The following TNRC6B variants were observed in gnomAD, a reference collection of about 807,000 sequenced individuals.
TNRC6B encodes trinucleotide repeat containing adaptor 6B.
In TNRC6B, 52 loss-of-function variants were observed where a neutral mutation model predicts 203.6. The observed-to-expected ratio is 0.26, with a 90% CI of 0.20 to 0.32. The LOEUF (loss-of-function observed/expected upper bound fraction) is 0.32. Ranked by LOEUF, TNRC6B falls within the 10% of genes least tolerant of loss-of-function variation. The pLI is 1.00. For synonymous variants in TNRC6B, 838 were observed against 845.7 expected (o/e 0.99, Z 0.16); for missense variants, 1,923 against 2,286.2 (o/e 0.84, Z 3.24).
chr22:40,254,560 T>G (rs938876157), intron 3 of TNRC6B, among the ~76,000 whole-genome samples: 1 of 152,132 alleles, frequency 6.6e-6, no homozygotes, highest in African/African-American at 2.4e-5. Context: ...ATGGCTGGCT[T>G]TAATGAGAGT....
chr22:40,109,143 A>G (rs1601819902), intron 1 of TNRC6B, among the ~76,000 whole-genome samples: 1 of 152,328 alleles, frequency 6.6e-6, no homozygotes, highest in East Asian at 1.9e-4. Context: ...ATAGTATTCC[A>G]TGATGTATAT....
chr22:40,244,512 C>T (rs12628042), intron 1 of TNRC6B, among the ~76,000 whole-genome samples: 26,450 of 151,540 alleles, frequency 0.17, 3,108 homozygotes, highest in Admixed American at 0.32. Flanking sequence ...CACGAGAGCC[C>T]ACCTCAGTTT....
At chr22:40,102,151 T>A (rs544711436) in intron 1 of TNRC6B, among the ~76,000 whole-genome samples, 4 of 152,356 alleles carry the variant, frequency 2.6e-5, no homozygotes, top group Non-Finnish European at 4.4e-5. Flanking sequence ...TATATTTTTT[T>A]AAAAAAACAT....
At chr22:40,070,729 A>G (rs555070883) in intron 1 of TNRC6B, among the ~76,000 whole-genome samples, 5 of 152,266 alleles carry the variant, frequency 3.3e-5, no homozygotes, top group South Asian at 2.1e-4. Context: ...TAGGTTCACA[A>G]TTCCTTATCA....
chr22:40,270,098 T>TA, intron 5 of TNRC6B, 24 bp from the exon 6 acceptor site: 1 of 1,569,316 alleles, frequency 6.4e-7, no homozygotes, highest in Non-Finnish European at 8.6e-7. Context: ...AAATGATTCT[T>TA]AGAGACATTT....
chr22:40,173,040 T>C (rs1256357758), upstream of TNRC6B, among the ~76,000 whole-genome samples: 1 of 152,262 alleles, frequency 6.6e-6, no homozygotes, highest in African/African-American at 2.4e-5. Flanking sequence ...GTGACTTCTC[T>C]CTTTCAATTG....
chr22:40,265,785 G>A lies in TNRC6B; in HGVS notation c.1555G>A (p.Glu519Lys). 1 of 1,614,010 alleles carries A rather than the reference G, an allele frequency of 6.2e-7. No homozygotes were observed. The highest frequency in any genetic ancestry group is 1.1e-5 in the South Asian group (1 of 91,076). Residue 519 changes from glutamate (E) to lysine (K), a missense_variant, in exon 5 of 23, where the codon GAG (glutamate) becomes AAG (lysine). Physicochemically the swap from Glu to Lys is moderately conservative, Grantham distance 56 (BLOSUM62 1). Around this residue, in one of 8 missense-constraint regions of TNRC6B, gnomAD observed 614 missense variants for 587.7 expected, o/e 1.04. Coordinates refer to ENST00000454349, the MANE Select transcript of TNRC6B (RefSeq NM_001162501.2). ...GEWKQPTGSD[E>K]LKIGEWSGPN... ...ATGGAAACAGCCGACTGGGTCTGAT[G>A]AGTTGAAAATTGGAGAATGGAGTGG...
intron 4 of TNRC6B, among the ~76,000 whole-genome samples, chr22:40,170,937 A>C (rs1372200025): frequency 6.8e-6 from 1 of 146,388 alleles, no homozygotes; most frequent in Non-Finnish European, 1.5e-5. Context: ...ACACCCATAT[A>C]TGTACATATA....
At chr22:40,238,103 G>A (rs1392680753) in intron 1 of TNRC6B, among the ~76,000 whole-genome samples, 2 of 152,114 alleles carry the variant, frequency 1.3e-5, no homozygotes, top group East Asian at 3.8e-4. Flanking sequence ...GATGCATTTT[G>A]GTAGCATTTA....
intron 1 of TNRC6B, among the ~76,000 whole-genome samples, chr22:40,093,145 A>T (rs2068162324): frequency 6.6e-6 from 1 of 152,268 alleles, no homozygotes; most frequent in South Asian, 2.1e-4. Flanking sequence ...TGAAAAAATA[A>T]CCATTTCAGA....
At chr22:40,196,533 G>A (rs1471900123) in intron 1 of TNRC6B, among the ~76,000 whole-genome samples, 2 of 152,054 alleles carry the variant, frequency 1.3e-5, no homozygotes, top group South Asian at 2.1e-4. Flanking sequence ...GGAAGTCAGG[G>A]TAGAAAAAAC....
intron 1 of TNRC6B, among the ~76,000 whole-genome samples, chr22:40,097,716 T>G (rs921099055): frequency 1.4e-5 from 2 of 138,766 alleles, no homozygotes; most frequent in Non-Finnish European, 3.2e-5. Context: ...ACACACACAC[T>G]GTATTATACA....
rs1164043107 is a variant in TNRC6B, at chr22:40,333,129, A to AG, written c.*9890dup. 2.6e-5 allele frequency: 4 copies of AG among 152,220 alleles called. No homozygotes were observed. The highest frequency in any genetic ancestry group is 4.8e-5 in the African/African-American group (2 of 41,438). 9.4% of individuals were successfully genotyped at this position (152,220 alleles called of 1,614,324 possible). A position where few individuals can be genotyped will look rare whatever the true frequency, so the allele number is the denominator to read the frequency against. Reference sequence around the variant, plus strand: ...GAGGCTGAGGCAGGCAGATCATCTGAGGTCAGGAGTTTAAGACCAGCCTGG... The same window carrying AG: ...GAGGCTGAGGCAGGCAGATCATCTGAGGGTCAGGAGTTTAAGACCAGCCTGG... On this transcript the variant is annotated 3_prime_UTR_variant, in exon 23 of 23. Transcript: ENST00000454349.
intron 1 of TNRC6B, among the ~76,000 whole-genome samples, chr22:40,093,300 TAAAG>T (rs1291959189): frequency 6.6e-6 from 1 of 152,138 alleles, no homozygotes; most frequent in Non-Finnish European, 1.5e-5. Context: ...GAGAAAATGT[TAAAG>T]AAAGGTTAAG....
intron 3 of TNRC6B, among the ~76,000 whole-genome samples, chr22:40,251,950 T>C (rs2146479362): frequency 6.6e-6 from 1 of 152,352 alleles, no homozygotes; most frequent in African/African-American, 2.4e-5. Flanking sequence ...TTTTAAAAGA[T>C]AATACATTTT....
At chr22:40,121,069 T>C (rs2068440292) in intron 2 of TNRC6B, among the ~76,000 whole-genome samples, 1 of 152,066 alleles carries the variant, frequency 6.6e-6, no homozygotes. Context: ...ATATGAAAAA[T>C]TGGATATTGT....
At chr22:40,280,268 C>G in intron 10 of TNRC6B, 125 bp downstream of exon 10, 1 of 903,248 alleles carries the variant, frequency 1.1e-6, no homozygotes, top group South Asian at 1.8e-5. Flanking sequence ...ACACAAACAT[C>G]ACCTGCATTA....
chr22:40,307,392 C>T (rs1238884301), intron 15 of TNRC6B, among the ~76,000 whole-genome samples: 3 of 152,180 alleles, frequency 2.0e-5, no homozygotes, highest in African/African-American at 7.2e-5. Flanking sequence ...TGCCTGCGCT[C>T]GTGCTGCCGC....
chr22:40,213,246 A>C (rs765231995), intron 1 of TNRC6B, among the ~76,000 whole-genome samples: 3 of 152,192 alleles, frequency 2.0e-5, no homozygotes, highest in African/African-American at 4.8e-5. Flanking sequence ...TATGTTATAT[A>C]TATTTTACCA....
Sources: allele counts gnomAD v4.1 joint callset (sites outside exome capture counted in the v4.1 genomes callset), GRCh38; gene constraint gnomAD v4.1.1; regional missense constraint gnomAD v4.1.1; transcripts MANE v1.5; gene names NCBI Gene and HGNC (gene_info 2026-07-23, HGNC 2026-07-21).